ABLIM1: variants seen among roughly 807,000 people sequenced by gnomAD.
ABLIM1 encodes the protein actin binding LIM protein 1.
A neutral mutation model predicts 107.0 loss-of-function variants in ABLIM1; 40 were observed. The observed-to-expected ratio is 0.37, with a 90% CI of 0.29 to 0.49. The LOEUF is 0.49. Among genes scored for constraint, ABLIM1 ranks in the 20% least tolerant of loss-of-function variants. The pLI is 0.97. For synonymous variants in ABLIM1, 357 were observed against 357.3 expected (o/e 1.00, Z 0.01); for missense variants, 857 against 1,008.5 (o/e 0.85, Z 2.04).
At chr10:114,571,192 G>A in intron 4 of ABLIM1, 105 bp downstream of exon 4, 1 of 904,546 alleles carries the variant, frequency 1.1e-6, no homozygotes. Context: ...GTAGATAGAT[G>A]ACTCTCATTT....
intron 1 of ABLIM1, among the ~76,000 whole-genome samples, chr10:114,607,115 T>A (rs556075366): frequency 1.3e-5 from 2 of 152,350 alleles, no homozygotes; most frequent in South Asian, 2.1e-4. Context: ...CAGGCTGGAA[T>A]GCAGTGGTGC....
intron 1 of ABLIM1, among the ~76,000 whole-genome samples, chr10:114,752,246 T>C (rs1044386147): frequency 2.6e-5 from 4 of 152,214 alleles, no homozygotes; most frequent in Non-Finnish European, 5.9e-5. Context: ...CTCTGTTGTA[T>C]GGTGTGTCCA....
At chr10:114,439,639 T>C (rs936370981) in intron 20 of ABLIM1, 5 of 365,312 alleles carry the variant, frequency 1.4e-5, no homozygotes, top group African/African-American at 1.0e-4. Context: ...TTTAACAAGA[T>C]TGAGGTTCTA....
intron 1 of ABLIM1, among the ~76,000 whole-genome samples, chr10:114,749,908 C>T (rs1485780252): frequency 6.6e-6 from 1 of 152,178 alleles, no homozygotes; most frequent in African/African-American, 2.4e-5. Flanking sequence ...TCATGCCCAT[C>T]CCAGACCCTC....
At chr10:114,702,436 T>C (rs2081324417) in intron 1 of ABLIM1, among the ~76,000 whole-genome samples, 1 of 152,182 alleles carries the variant, frequency 6.6e-6, no homozygotes, top group Non-Finnish European at 1.5e-5. Context: ...AGTGATTCAT[T>C]TGTATTTTAA....
At chr10:114,466,921 G>A (rs1480224294) in intron 11 of ABLIM1, among the ~76,000 whole-genome samples, 1 of 152,142 alleles carries the variant, frequency 6.6e-6, no homozygotes, top group African/African-American at 2.4e-5. Flanking sequence ...CACTCTGGGA[G>A]GCCAAGGTGG....
At chr10:114,570,754 G>A (rs749142584) in intron 4 of ABLIM1, among the ~76,000 whole-genome samples, 1 of 151,602 alleles carries the variant, frequency 6.6e-6, no homozygotes, top group Non-Finnish European at 1.5e-5. Context: ...GACTACAGAC[G>A]TGCACTATCA....
chr10:114,690,601 C>T (rs2081054313), intron 1 of ABLIM1: 2 of 830,788 alleles, frequency 2.4e-6, no homozygotes, highest in Admixed American at 3.4e-5. Flanking sequence ...AAGGGCTCAC[C>T]ATTGATGGCA....
intron 6 of ABLIM1, among the ~76,000 whole-genome samples, chr10:114,519,093 T>C (rs765605762): frequency 1.2e-4 from 19 of 152,298 alleles, no homozygotes; most frequent in Non-Finnish European, 2.4e-4. Context: ...AGCTTTGGTT[T>C]GTACAGCAAG....
At chr10:114,635,508 A>G (rs2078433529) in intron 1 of ABLIM1, among the ~76,000 whole-genome samples, 1 of 152,150 alleles carries the variant, frequency 6.6e-6, no homozygotes, top group Admixed American at 6.5e-5. Flanking sequence ...GCTAACCCTC[A>G]ACACCACTGG....
chr10:114,700,491 A>AAC (rs149691121), intron 1 of ABLIM1, among the ~76,000 whole-genome samples: 3,871 of 148,484 alleles, frequency 0.026, 66 homozygotes, highest in African/African-American at 0.054. Context: ...AAACAATTAA[A>AAC]ACACACACAC....
At chr10:114,645,110 T>G (rs772576375) in intron 1 of ABLIM1, among the ~76,000 whole-genome samples, 14 of 152,202 alleles carry the variant, frequency 9.2e-5, no homozygotes, top group Admixed American at 2.0e-4. Context: ...GTTGGGATCA[T>G]TTGCAATGGA....
At chr10:114,612,604 T>G (rs935322176) in intron 1 of ABLIM1, among the ~76,000 whole-genome samples, 1 of 152,200 alleles carries the variant, frequency 6.6e-6, no homozygotes, top group South Asian at 2.1e-4. Context: ...CTTCTGAAAT[T>G]TGATTGAACC....
chr10:114,681,138 C>T (rs1043372064), intron 1 of ABLIM1, among the ~76,000 whole-genome samples: 2 of 152,146 alleles, frequency 1.3e-5, no homozygotes, highest in African/African-American at 4.8e-5. Context: ...ACCAGCATTA[C>T]CTTATATATG....
At chr10:114,476,177 C>A (rs2056361363) in intron 8 of ABLIM1, among the ~76,000 whole-genome samples, 1 of 152,196 alleles carries the variant, frequency 6.6e-6, no homozygotes, top group African/African-American at 2.4e-5. Context: ...AGAAATCACA[C>A]CACACCCAGG....
chr10:114,652,193 C>T (rs538625902), intron 1 of ABLIM1, among the ~76,000 whole-genome samples: 2 of 152,268 alleles, frequency 1.3e-5, no homozygotes, highest in East Asian at 3.9e-4. Context: ...TATAGAAAAG[C>T]TCCACAGCAT....
At chr10:114,690,584 G>A in intron 1 of ABLIM1, 1 of 920,726 alleles carries the variant, frequency 1.1e-6, no homozygotes, top group Non-Finnish European at 1.8e-6. Flanking sequence ...CAAAGGAGAT[G>A]CAGCCCAAGG....
At chr10:114,680,842 A>T (rs551772253) in intron 1 of ABLIM1, among the ~76,000 whole-genome samples, 21 of 152,312 alleles carry the variant, frequency 1.4e-4, no homozygotes, top group African/African-American at 4.6e-4. Flanking sequence ...TAAATGACAG[A>T]GATTTATTCT....
rs2059041117 is a variant in ABLIM1 at position 114,433,281 on chromosome 10, A to C, written c.*2979T>G. ...ATCTTGTGTGCTGTGACCAGGATGG[A>C]CATTTTGAGGACAAGCATGCTGAGC... On this transcript the variant is annotated 3_prime_UTR_variant, in exon 23 of 23. Transcript: ENST00000533213. 1 of 152,236 alleles carries C rather than the reference A, an allele frequency of 6.6e-6. No individual in the cohort carries two copies. Among genetic ancestry groups the C allele is most frequent in the South Asian group, 2.1e-4 (1 of 4,828 alleles). The allele number at this position is 152,236 out of a possible 1,614,324, so 9.4% of individuals were successfully genotyped here.
Sources: gnomAD v4.1 joint callset for allele counts (sites outside exome capture counted in the v4.1 genomes callset) on GRCh38, gnomAD v4.1.1 for gene constraint, MANE v1.5 for transcripts, NCBI Gene and HGNC (gene_info 2026-07-23, HGNC 2026-07-21) for gene names.